Variants in SLC16A10 observed in about 807,000 individuals in gnomAD.
The protein encoded by SLC16A10 is monocarboxylate transporter 10.
SLC16A10 carries 27 observed loss-of-function variants against 40.0 expected under a neutral mutation model. The ratio of observed to expected loss-of-function variants is 0.67; its 90% CI spans 0.50 to 0.93. SLC16A10 has a LOEUF of 0.93. Ranked by LOEUF, SLC16A10 falls within the 40% of genes least tolerant of loss-of-function variation. SLC16A10 has a pLI of 0.00. For missense variants in SLC16A10, 529 were observed against 658.2 expected, an observed-to-expected ratio of 0.80 and a Z score of 2.15; for synonymous variants, 213 against 249.8, an observed-to-expected ratio of 0.85 and a Z score of 1.39.
chr6:111,100,971 TCTCTCTCTCTCTCTCTCTCTC>T (rs1562397117), intron 1 of SLC16A10, among the ~76,000 whole-genome samples: 29 of 122,250 alleles, frequency 2.4e-4, no homozygotes, highest in African/African-American at 9.1e-4. Context: ...TCTCTCTCTC[TCTCTCTCTCTCTCTCTCTCTC>T]TATATATATA....
At chr6:111,206,786 A>C in intron 4 of SLC16A10, 51 bp downstream of exon 4, 1 of 1,571,804 alleles carries the variant, frequency 6.4e-7, no homozygotes, top group Non-Finnish European at 8.6e-7. Flanking sequence ...TCATCACCCG[A>C]TGTCTCATTA....
intron 1 of SLC16A10, among the ~76,000 whole-genome samples, chr6:111,171,503 C>G (rs1562421182): frequency 6.6e-6 from 1 of 152,132 alleles, no homozygotes; most frequent in Admixed American, 6.5e-5. Context: ...GAAACACACA[C>G]AAAAGAAATA....
chr6:111,125,484 TGACTTAATG>T (rs1771659289), intron 1 of SLC16A10, among the ~76,000 whole-genome samples: 1 of 152,186 alleles, frequency 6.6e-6, no homozygotes, highest in Admixed American at 6.5e-5. Context: ...TGAAAAACTC[TGACTTAATG>T]AGTTTACCAA....
At chr6:111,217,115 AG>A (rs1417030643) in intron 4 of SLC16A10, among the ~76,000 whole-genome samples, 1 of 152,168 alleles carries the variant, frequency 6.6e-6, no homozygotes, top group African/African-American at 2.4e-5. Context: ...CTGCTATTGG[AG>A]GGCACCCTCC....
chr6:111,160,939 G>A (rs1772359505), intron 1 of SLC16A10, among the ~76,000 whole-genome samples: 1 of 152,044 alleles, frequency 6.6e-6, no homozygotes, highest in South Asian at 2.1e-4. Context: ...GGGTAGGTAT[G>A]TAGCCTGGCA....
chr6:111,115,465 TC>T (rs1260086534), intron 1 of SLC16A10, among the ~76,000 whole-genome samples: 1 of 152,244 alleles, frequency 6.6e-6, no homozygotes, highest in Non-Finnish European at 1.5e-5. Flanking sequence ...TGCCTTGGCC[TC>T]CCAAATTGTT....
At position 111,177,222 on chromosome 6, in the gene SLC16A10, C is replaced by T; in HGVS notation, c.499C>T (p.Pro167Ser). Reference protein sequence around the residue: ...MSSSFVSSIEPLYLTYGIIFA... With the variant: ...MSSSFVSSIESLYLTYGIIFA... ...TTCATCTTTATACAGTTCCATCGAG[C>T]CTCTGTACCTTACCTATGGAATCAT... The change falls in exon 3 of 6, where the codon CCT becomes TCT. Residue 167 changes from proline to serine, a missense_variant. By Grantham distance (74) the Pro-to-Ser change is moderately conservative (BLOSUM62 -1). Transcript: ENST00000368851. The T allele has an allele frequency of 6.5e-7, 1 of 1,534,528 alleles. No homozygotes were observed. The highest frequency in any genetic ancestry group is 8.7e-7 in the Non-Finnish European group (1 of 1,143,146).
chr6:111,144,970 C>G (rs1015685739), intron 1 of SLC16A10, among the ~76,000 whole-genome samples: 1 of 152,074 alleles, frequency 6.6e-6, no homozygotes, highest in Non-Finnish European at 1.5e-5. Flanking sequence ...TGGTACCACA[C>G]AGGCGCATGC....
chr6:111,183,404 C>T (rs377151827), intron 3 of SLC16A10, among the ~76,000 whole-genome samples: 1 of 152,302 alleles, frequency 6.6e-6, no homozygotes, highest in Non-Finnish European at 1.5e-5. Flanking sequence ...GTAAACACCA[C>T]AAGGGTAAGG....
chr6:111,102,589 T>C (rs1316202125), intron 1 of SLC16A10, among the ~76,000 whole-genome samples: 1 of 152,160 alleles, frequency 6.6e-6, no homozygotes, highest in Non-Finnish European at 1.5e-5. Flanking sequence ...GGCCTTAGAT[T>C]CTCACCTGAC....
intron 1 of SLC16A10, among the ~76,000 whole-genome samples, chr6:111,096,768 A>T (rs1316688396): frequency 6.6e-6 from 1 of 152,158 alleles, no homozygotes; most frequent in Non-Finnish European, 1.5e-5. Flanking sequence ...GGACCAAAGC[A>T]ATGTTTCCTT....
chr6:111,218,197 A>G (rs967400264), intron 4 of SLC16A10, among the ~76,000 whole-genome samples: 1 of 152,214 alleles, frequency 6.6e-6, no homozygotes, highest in Non-Finnish European at 1.5e-5. Context: ...CTTAAACTTC[A>G]TAATATCTAG....
At chr6:111,142,397 C>T (rs930179953) in intron 1 of SLC16A10, among the ~76,000 whole-genome samples, 2 of 152,056 alleles carry the variant, frequency 1.3e-5, no homozygotes, top group Non-Finnish European at 2.9e-5. Context: ...ACATGAAACA[C>T]AAAACTATAC....
chr6:111,205,562 C>T (rs1170626652), intron 3 of SLC16A10, among the ~76,000 whole-genome samples: 1 of 152,186 alleles, frequency 6.6e-6, no homozygotes, highest in African/African-American at 2.4e-5. Flanking sequence ...AAGCTCTTTA[C>T]ACAGACATTT....
intron 3 of SLC16A10, among the ~76,000 whole-genome samples, chr6:111,203,472 G>A (rs1449626741): frequency 6.6e-6 from 1 of 151,796 alleles, no homozygotes; most frequent in Non-Finnish European, 1.5e-5. Context: ...GGTGGCTCAT[G>A]CACTTTAGGA....
intron 1 of SLC16A10, among the ~76,000 whole-genome samples, chr6:111,090,215 G>C (rs554191453): frequency 6.6e-6 from 1 of 152,108 alleles, no homozygotes; most frequent in Non-Finnish European, 1.5e-5. Context: ...TGTATGTGTG[G>C]GTATATATCA....
At chr6:111,188,232 A>G (rs1772931688) in intron 3 of SLC16A10, among the ~76,000 whole-genome samples, 1 of 151,910 alleles carries the variant, frequency 6.6e-6, no homozygotes, top group African/African-American at 2.4e-5. Flanking sequence ...AGGGTTTAAA[A>G]GTTTCATTTA....
rs1223596995 is a variant in SLC16A10, at chr6:111,228,098, A to C, written c.*5863A>C. On this transcript the variant is annotated 3_prime_UTR_variant, in exon 6 of 6. Transcript: ENST00000368851. ...CTGAAGAAATTCAGAATCTAGATAC[A>C]CTTAGATTCTAAATTAGACACACTC... is the stretch of plus-strand genomic sequence containing the variant. The C allele has an allele frequency of 1.3e-5, 2 of 152,362 alleles. No homozygotes were observed. Among genetic ancestry groups the C allele is most frequent in the East Asian group, 3.9e-4 (2 of 5,192 alleles). The allele number at this position is 152,362 out of a possible 1,614,324, so 9.4% of individuals were successfully genotyped here.
At chr6:111,121,748 G>T (rs545322998) in intron 1 of SLC16A10, among the ~76,000 whole-genome samples, 3 of 152,178 alleles carry the variant, frequency 2.0e-5, no homozygotes, top group Admixed American at 2.0e-4. Flanking sequence ...TCCTGGGCTT[G>T]TGTCCTCTGC....
Sources: allele counts gnomAD v4.1 joint callset (sites outside exome capture counted in the v4.1 genomes callset), GRCh38; gene constraint gnomAD v4.1.1; transcripts MANE v1.5; gene names NCBI Gene and HGNC (gene_info 2026-07-23, HGNC 2026-07-21).